CBFA2T2: variants seen among roughly 807,000 people sequenced by gnomAD.
CBFA2T2 encodes protein CBFA2T2.
In CBFA2T2, 11 loss-of-function variants were observed where a neutral mutation model predicts 62.2. The observed-to-expected ratio is 0.18, with a 90% confidence interval of 0.11 to 0.29. The LOEUF is 0.29. CBFA2T2 is among the 10% of genes least tolerant of loss of function. The pLI is 1.00. For missense variants in CBFA2T2, 592 were observed against 774.1 expected, an observed-to-expected ratio of 0.76 and a Z score of 2.79; for synonymous variants, 295 against 287.5, an observed-to-expected ratio of 1.03 and a Z score of -0.27.
chr20:33,592,957 C>G (rs2014727060), intron 1 of CBFA2T2, among the ~76,000 whole-genome samples: 1 of 152,130 alleles, frequency 6.6e-6, no homozygotes, highest in East Asian at 1.9e-4. Flanking sequence ...AACTCTCTAC[C>G]TAGGCTTTTC....
At chr20:33,548,523 C>CA (rs1385278656) in intron 1 of CBFA2T2, among the ~76,000 whole-genome samples, 1 of 152,152 alleles carries the variant, frequency 6.6e-6, no homozygotes, top group Non-Finnish European at 1.5e-5. Flanking sequence ...GGATTACAAG[C>CA]ATGAGCCACC....
At chr20:33,513,354 T>G (rs8119299) in intron 1 of CBFA2T2, among the ~76,000 whole-genome samples, 133,178 of 150,186 alleles carry the variant, frequency 0.89, 60,619 homozygotes, top group Non-Finnish European at 1. Context: ...GGTTTTTTTG[T>G]TTTTTTTTTG....
chr20:33,635,664 C>A (rs898612085), intron 8 of CBFA2T2, among the ~76,000 whole-genome samples: 1 of 152,114 alleles, frequency 6.6e-6, no homozygotes, highest in Non-Finnish European at 1.5e-5. Flanking sequence ...GGCCAGGAAT[C>A]CAAGACCTGT....
chr20:33,644,559 C>G lies in CBFA2T2; in HGVS notation c.1701C>G (p.Pro567=). ...SSARSADCSV[P]SPALDKTSAT... ...CCAGGTCCGCCGACTGCAGCGTGCC[C>G]AGCCCAGCCCTCGACAAGACCTCGG... Residue 567 remains proline (P), a synonymous_variant, in exon 11 of 11, where the codon CCC becomes CCG. Transcript: ENST00000342704. The G allele has an allele frequency of 6.2e-7, 1 of 1,613,874 alleles. No homozygotes were observed. Among genetic ancestry groups the G allele is most frequent in the Non-Finnish European group, 8.5e-7 (1 of 1,179,798 alleles).
At chr20:33,618,591 C>T (rs1050622679) in intron 3 of CBFA2T2, 1 of 152,084 alleles carries the variant, frequency 6.6e-6, no homozygotes, top group Non-Finnish European at 1.5e-5. Flanking sequence ...TGCATACAGG[C>T]CACTTGAAGG....
At chr20:33,628,885 AAT>A (rs1447870199) in intron 7 of CBFA2T2, among the ~76,000 whole-genome samples, 3 of 152,268 alleles carry the variant, frequency 2.0e-5, no homozygotes, top group Non-Finnish European at 4.4e-5. Flanking sequence ...TCAGCTGAGG[AAT>A]TACAGAGTCA....
At chr20:33,624,534 G>T (rs75055082) in intron 5 of CBFA2T2, among the ~76,000 whole-genome samples, 3,373 of 152,146 alleles carry the variant, frequency 0.022, 118 homozygotes, top group African/African-American at 0.077. Flanking sequence ...TTTCTGTCTG[G>T]TTATGGATGG....
At chr20:33,490,359 C>T (rs2011137534) in intron 1 of CBFA2T2, 58 bp downstream of exon 1, 14 of 1,249,244 alleles carry the variant, frequency 1.1e-5, no homozygotes, top group South Asian at 3.6e-5. Context: ...TGCGGCTCCG[C>T]AGGCGCGGTG....
intron 1 of CBFA2T2, among the ~76,000 whole-genome samples, chr20:33,593,568 T>C (rs1417579856): frequency 6.6e-6 from 1 of 151,852 alleles, no homozygotes; most frequent in Non-Finnish European, 1.5e-5. Flanking sequence ...AATTTTTGTA[T>C]TTTCACTAGA....
chr20:33,643,926 G>A (rs150385310), intron 10 of CBFA2T2, among the ~76,000 whole-genome samples: 1 of 148,948 alleles, frequency 6.7e-6, no homozygotes, highest in Admixed American at 6.7e-5. Flanking sequence ...TAGGATAAAT[G>A]TTCGTCTTAA....
At position 33,544,099 on chromosome 20, in the gene CBFA2T2, G is replaced by T. The variant is rs779902353; in HGVS notation, c.34+53798G>T. Among the ~76,000 whole-genome samples, 3 of 152,166 alleles carry T rather than the reference G, an allele frequency of 2.0e-5. No homozygotes were observed. The East Asian group carries it at 5.8e-4, about 29-fold the overall frequency. On this transcript the variant is annotated intron_variant, in intron 1 of 10. Transcript: ENST00000342704. ...AGCCAGAGTGGTTCAATTTAGTCAG[G>T]TCATGTCAATTCTCTGCTCAGAACC...
chr20:33,642,113 TTTTTGTGTG>T (rs1209370132), intron 10 of CBFA2T2, among the ~76,000 whole-genome samples: 24 of 41,282 alleles, frequency 5.8e-4, no homozygotes, highest in Non-Finnish European at 7.4e-4. Flanking sequence ...GTCTTTTTTT[TTTTTGTGTG>T]TGTGTGTGTG....
chr20:33,606,244 G>T (rs564010829), intron 1 of CBFA2T2, among the ~76,000 whole-genome samples: 129 of 152,302 alleles, frequency 8.5e-4, no homozygotes, highest in African/African-American at 3.0e-3. Context: ...ATAAGGAGAA[G>T]TTAAAGAAAA....
At chr20:33,618,461 T>C (rs1214405533) in intron 3 of CBFA2T2, 1 of 152,116 alleles carries the variant, frequency 6.6e-6, no homozygotes, top group East Asian at 1.9e-4. Flanking sequence ...AGTTGCTGAG[T>C]CTCATTCCTA....
intron 8 of CBFA2T2, among the ~76,000 whole-genome samples, chr20:33,634,670 CAAAAAAA>C (rs758089440): frequency 0.033 from 1,585 of 47,918 alleles, 23 homozygotes; most frequent in African/African-American, 0.073. Flanking sequence ...ACCCTATGTC[CAAAAAAA>C]AAAAAAAAAA....
rs538941248 is a variant in CBFA2T2, at chr20:33,610,705, C to T, written c.179-389C>T. ...ATTGACTGCCTAGTGTTTTGGGGAC[C>T]TTGAAATTGGGAAGGAGATGCAATG... On this transcript the variant is annotated intron_variant, in intron 2 of 10. Transcript: ENST00000342704. Among the ~76,000 whole-genome samples, 5 of 152,170 alleles carry T rather than the reference C, an allele frequency of 3.3e-5. No individual in the cohort carries two copies. In the South Asian group the frequency reaches 6.2e-4, roughly 19 times the overall value.
At chr20:33,597,843 G>A (rs1035282220) in intron 1 of CBFA2T2, among the ~76,000 whole-genome samples, 1 of 152,146 alleles carries the variant, frequency 6.6e-6, no homozygotes, top group African/African-American at 2.4e-5. Flanking sequence ...TCATATCGGG[G>A]AATCTGCCCC....
chr20:33,568,203 C>T (rs563080085), intron 1 of CBFA2T2, among the ~76,000 whole-genome samples: 32 of 152,302 alleles, frequency 2.1e-4, no homozygotes, highest in African/African-American at 7.7e-4. Context: ...AAGAAATTAG[C>T]ATGATACTTC....
chr20:33,494,080 C>T (rs1013894302), intron 1 of CBFA2T2, among the ~76,000 whole-genome samples: 1 of 150,212 alleles, frequency 6.7e-6, no homozygotes, highest in Admixed American at 6.7e-5. Context: ...AGGGTTTCAC[C>T]ATGTTGGTCA....
Sources: gnomAD v4.1 joint callset for allele counts (sites outside exome capture counted in the v4.1 genomes callset) on GRCh38, gnomAD v4.1.1 for gene constraint, MANE v1.5 for transcripts, NCBI Gene and HGNC (gene_info 2026-07-23, HGNC 2026-07-21) for gene names.